Variants in NGEF observed in about 807,000 individuals in gnomAD.
NGEF encodes the protein ephexin-1.
NGEF carries 31 observed loss-of-function variants against 80.9 expected under a neutral mutation model. The observed-to-expected ratio is 0.38, with a 90% CI of 0.29 to 0.52. The LOEUF (loss-of-function observed/expected upper bound fraction) is 0.52. NGEF is among the 20% of genes least tolerant of loss of function. The probability of loss-of-function intolerance (pLI) is 0.84; values close to 1 mark genes in which losing one functional copy is unlikely to be tolerated. For missense variants in NGEF, 709 were observed against 926.2 expected, an observed-to-expected ratio of 0.77 and a Z score of 3.04; for synonymous variants, 371 against 370.2, an observed-to-expected ratio of 1.00 and a Z score of -0.03.
chr2:232,903,668 G>A (rs1373541705), intron 5 of NGEF, among the ~76,000 whole-genome samples: 1 of 152,160 alleles, frequency 6.6e-6, no homozygotes, highest in Admixed American at 6.5e-5. Flanking sequence ...CCTAGCTGAC[G>A]TTTTAGGTAA....
intron 5 of NGEF, among the ~76,000 whole-genome samples, chr2:232,917,458 A>G (rs1692829396): frequency 6.7e-6 from 1 of 150,370 alleles, no homozygotes; most frequent in South Asian, 2.1e-4. Context: ...TACGTATTTA[A>G]TTGTAAAACT....
chr2:232,915,630 C>G (rs1462298611), intron 5 of NGEF, among the ~76,000 whole-genome samples: 1 of 152,126 alleles, frequency 6.6e-6, no homozygotes. Context: ...GGGTCCCACT[C>G]CTGTAGGATA....
chr2:232,881,098 TG>T, intron 14 of NGEF, 47 bp downstream of exon 14: 2 of 1,476,912 alleles, frequency 1.4e-6, no homozygotes, highest in Non-Finnish European at 9.4e-7. Flanking sequence ...TCATCCCTTG[TG>T]GGGCAAGTTC....
At chr2:232,883,875 C>G (rs1302975385) in intron 11 of NGEF, 106 bp downstream of exon 11, 2 of 1,223,398 alleles carry the variant, frequency 1.6e-6, no homozygotes, top group East Asian at 5.2e-5. Flanking sequence ...GACCGAAGAG[C>G]CCAAGCTCTG....
chr2:232,937,065 G>A (rs1009182217), intron 3 of NGEF, among the ~76,000 whole-genome samples: 1 of 152,172 alleles, frequency 6.6e-6, no homozygotes, highest in African/African-American at 2.4e-5. Context: ...TGCATCCCAG[G>A]TTCAAGTGAT....
chr2:232,982,471 A>G (rs546472615), intron 1 of NGEF, among the ~76,000 whole-genome samples: 1 of 152,240 alleles, frequency 6.6e-6, no homozygotes, highest in East Asian at 1.9e-4. Flanking sequence ...CTGGTCCTTG[A>G]ATTGGTACGT....
chr2:232,954,254 G>C (rs1489882665), intron 3 of NGEF, among the ~76,000 whole-genome samples: 1 of 152,230 alleles, frequency 6.6e-6, no homozygotes, highest in Admixed American at 6.5e-5. Context: ...TCTGACAGGG[G>C]AGGTGGGTAT....
intron 1 of NGEF, among the ~76,000 whole-genome samples, chr2:232,986,160 C>CAAAACAAAA: frequency 6.6e-6 from 1 of 152,104 alleles, no homozygotes; most frequent in South Asian, 2.1e-4. Context: ...CAATGAGATA[C>CAAAACAAAA]CATCTCACAC....
chr2:232,984,286 T>A (rs527718733), intron 1 of NGEF, among the ~76,000 whole-genome samples: 53 of 151,204 alleles, frequency 3.5e-4, no homozygotes, highest in African/African-American at 1.2e-3. Flanking sequence ...GGGGTGGATG[T>A]CTTGTTATGT....
intron 1 of NGEF, among the ~76,000 whole-genome samples, chr2:232,979,388 ACACACACAGG>A (rs1167214133): frequency 8.1e-5 from 2 of 24,698 alleles, no homozygotes; most frequent in African/African-American, 6.2e-4. Flanking sequence ...ACACACACAC[ACACACACAGG>A]AAGAGATTGT....
chr2:232,890,017 G>A (rs1451520223), intron 8 of NGEF, among the ~76,000 whole-genome samples: 1 of 152,226 alleles, frequency 6.6e-6, no homozygotes, highest in Non-Finnish European at 1.5e-5. Flanking sequence ...CAGGGCCCCA[G>A]CATCTGTCAG....
chr2:232,967,930 G>A (rs897831713), intron 3 of NGEF, among the ~76,000 whole-genome samples: 36 of 152,068 alleles, frequency 2.4e-4, no homozygotes, highest in African/African-American at 8.7e-4. Context: ...ATGAGGGCTG[G>A]GCATTAGGTT....
At chr2:232,930,326 C>CTCT (rs578212048) in intron 3 of NGEF, among the ~76,000 whole-genome samples, 3 of 144,492 alleles carry the variant, frequency 2.1e-5, no homozygotes, top group East Asian at 4.2e-4. Context: ...CTCTCTCTCT[C>CTCT]TTTTTTTTTT....
intron 1 of NGEF, among the ~76,000 whole-genome samples, chr2:233,012,164 C>T (rs755176878): frequency 2.0e-5 from 3 of 152,164 alleles, no homozygotes; most frequent in Non-Finnish European, 4.4e-5. Flanking sequence ...CACCAGTGGC[C>T]TTATTGCATT....
intron 1 of NGEF, among the ~76,000 whole-genome samples, chr2:233,005,895 C>G (rs1207769803): frequency 6.6e-6 from 1 of 152,228 alleles, no homozygotes; most frequent in African/African-American, 2.4e-5. Flanking sequence ...CAGCCCACCG[C>G]AACCTCTGCC....
intron 3 of NGEF, among the ~76,000 whole-genome samples, chr2:232,944,731 ATATATATATAT>A (rs1693516358): frequency 3.3e-5 from 1 of 30,186 alleles, no homozygotes; most frequent in African/African-American, 2.0e-4. Flanking sequence ...TTCCGAATAT[ATATATATATAT>A]ATATATATAT....
At chr2:233,007,871 A>G (rs1022368102) in intron 1 of NGEF, among the ~76,000 whole-genome samples, 3 of 152,226 alleles carry the variant, frequency 2.0e-5, no homozygotes, top group Non-Finnish European at 2.9e-5. Context: ...GCACCAGGAA[A>G]AGTTGTCCAG....
intron 3 of NGEF, among the ~76,000 whole-genome samples, chr2:232,949,594 C>T (rs1693635041): frequency 6.6e-6 from 1 of 151,764 alleles, no homozygotes; most frequent in African/African-American, 2.4e-5. Flanking sequence ...TCTCCTGCCT[C>T]AGCCTCCCTA....
intron 3 of NGEF, among the ~76,000 whole-genome samples, chr2:232,963,344 T>C (rs1164460254): frequency 6.6e-6 from 1 of 151,964 alleles, no homozygotes; most frequent in East Asian, 1.9e-4. Flanking sequence ...TAGAGATCTA[T>C]ATGGACCATA....
Sources: allele counts gnomAD v4.1 joint callset (sites outside exome capture counted in the v4.1 genomes callset), GRCh38; gene constraint gnomAD v4.1.1; transcripts MANE v1.5; gene names NCBI Gene and HGNC (gene_info 2026-07-23, HGNC 2026-07-21).